Variants in PDE3B observed in about 807,000 individuals in gnomAD.
PDE3B encodes cGMP-inhibited 3',5'-cyclic phosphodiesterase 3B.
Under a neutral mutation model 116.8 loss-of-function variants are expected in PDE3B, and 66 were observed. That is an observed-to-expected ratio of 0.56 (90% CI 0.46 to 0.69). The LOEUF is 0.69. Ranked by LOEUF, PDE3B falls within the 30% of genes least tolerant of loss-of-function variation. PDE3B has a pLI of 0.00. For synonymous variants in PDE3B, 595 were observed against 533.6 expected, an observed-to-expected ratio of 1.12 and a Z score of -1.59; for missense variants, 1,384 against 1,368.1, an observed-to-expected ratio of 1.01 and a Z score of -0.18.
chr11:14,845,829 T>C (rs1222935443), intron 12 of PDE3B, among the ~76,000 whole-genome samples: 1 of 152,070 alleles, frequency 6.6e-6, no homozygotes, highest in African/African-American at 2.4e-5. Flanking sequence ...CCAAGAAATA[T>C]GGGACTATGT....
chr11:14,833,230 G>T (rs1020774892), intron 10 of PDE3B, among the ~76,000 whole-genome samples: 2 of 152,176 alleles, frequency 1.3e-5, no homozygotes, highest in African/African-American at 2.4e-5. Context: ...TGCGATTATA[G>T]ACGTCAGCTG....
intron 1 of PDE3B, among the ~76,000 whole-genome samples, chr11:14,681,358 G>A (rs1395835100): frequency 6.6e-6 from 1 of 152,110 alleles, no homozygotes; most frequent in African/African-American, 2.4e-5. Context: ...CTTCCAGTGG[G>A]AAGTAATTGA....
At chr11:14,841,057 T>A (rs1255801465) in intron 11 of PDE3B, among the ~76,000 whole-genome samples, 1 of 152,102 alleles carries the variant, frequency 6.6e-6, no homozygotes, top group African/African-American at 2.4e-5. Flanking sequence ...ATTTTTTGGA[T>A]GAGATTAACA....
rs866628937 is a variant in PDE3B at position 14,644,454 on chromosome 11, T to G, written c.379T>G (p.Cys127Gly). 6.2e-7 allele frequency: 1 copy of G among 1,613,090 alleles called. No homozygotes were observed. ...HSLSPLFSIA[C>G]AFFFLTCFLT... ...CTTGAGCCCCCTCTTCAGCATCGCCTGTGCCTTCTTCTTCCTCACCTGCTT... is the reference window on the plus strand; with the variant it reads ...CTTGAGCCCCCTCTTCAGCATCGCCGGTGCCTTCTTCTTCCTCACCTGCTT... Residue 127 changes from cysteine to glycine, a missense_variant, in exon 1 of 16, where the codon TGT (cysteine) becomes GGT (glycine). This residue lies in a region of PDE3B where 956 missense variants were observed against 806.8 expected (regional missense o/e 1.18). Transcript: ENST00000282096.
At chr11:14,810,135 TAAA>T (rs1859077493) in intron 5 of PDE3B, among the ~76,000 whole-genome samples, 1 of 151,936 alleles carries the variant, frequency 6.6e-6, no homozygotes, top group Admixed American at 6.6e-5. Context: ...TTTCTAATAA[TAAA>T]ACCATTAAAA....
At chr11:14,853,429 A>G (rs731042) in intron 12 of PDE3B, among the ~76,000 whole-genome samples, 1 of 151,948 alleles carries the variant, frequency 6.6e-6, no homozygotes, top group African/African-American at 2.4e-5. Flanking sequence ...TTTGCTCTGT[A>G]GTACTCCTAG....
chr11:14,815,856 G>A, intron 5 of PDE3B, among the ~76,000 whole-genome samples: 1 of 151,792 alleles, frequency 6.6e-6, no homozygotes, highest in East Asian at 1.9e-4. Flanking sequence ...AACCTTATTA[G>A]TAATGAGGAA....
At chr11:14,825,509 G>C (rs1293618324) in intron 7 of PDE3B, among the ~76,000 whole-genome samples, 1 of 152,102 alleles carries the variant, frequency 6.6e-6, no homozygotes, top group African/African-American at 2.4e-5. Context: ...AGACAAAACA[G>C]ACTTTAAACC....
intron 4 of PDE3B, among the ~76,000 whole-genome samples, chr11:14,790,431 A>G (rs1284128177): frequency 1.3e-5 from 2 of 151,496 alleles, no homozygotes; most frequent in Non-Finnish European, 2.9e-5. Flanking sequence ...CATTATCTTG[A>G]GAATATAGTT....
rs185899862 is a variant in PDE3B at position 14,835,147 on chromosome 11, A to G, written c.2320+52A>G. 3.2e-4 allele frequency: 372 copies of G among 1,153,026 alleles called. No individual in the cohort carries two copies. In the African/African-American group the frequency reaches 4.9e-3, roughly 15 times the overall value. The allele number at this position is 1,153,026 out of a possible 1,614,324, so 71.4% of individuals were successfully genotyped here. A position where few individuals can be genotyped will look rare whatever the true frequency, so the allele number is the denominator to read the frequency against. On this transcript the variant is annotated intron_variant, in intron 11 of 15. Coordinates refer to ENST00000282096, the MANE Select transcript of PDE3B (RefSeq NM_000922.4). ...TATTTTGATCAGGAATAGTAAATCA[A>G]GCTTTCTCATTTCATTACCTCTGTT... is the stretch of plus-strand genomic sequence containing the variant.
chr11:14,883,665 A>G, the PDE3B span, among the ~76,000 whole-genome samples: 22 of 152,244 alleles, frequency 1.4e-4, no homozygotes, highest in African/African-American at 4.8e-4. Context: ...AATGGCAACA[A>G]AAGACAAAAT....
In PDE3B at chr11:14,774,512, T is replaced by C. The variant is rs374609150; in HGVS notation, c.1029+2525T>C. ...AGTATTTTAGCATTTGCTGGAAACA[T>C]ATGACCATTGCTACCTTTTGCCGTC... On this transcript the variant is annotated intron_variant, in intron 2 of 15. Transcript: ENST00000282096. The C allele has an allele frequency of 3.3e-5, 5 of 152,344 alleles. No individual in the cohort carries two copies. In the East Asian group the frequency reaches 9.6e-4, roughly 29 times the overall value. The allele number at this position is 152,344 out of a possible 1,614,324, so 9.4% of individuals were successfully genotyped here. A position where few individuals can be genotyped will look rare whatever the true frequency, so the allele number is the denominator to read the frequency against.
At chr11:14,663,881 C>T (rs1370633678) in intron 1 of PDE3B, among the ~76,000 whole-genome samples, 20 of 152,126 alleles carry the variant, frequency 1.3e-4, no homozygotes, top group Non-Finnish European at 2.5e-4. Flanking sequence ...AACAAGGATA[C>T]CCAGGAATTG....
chr11:14,798,141 G>A (rs1163349394), intron 4 of PDE3B, among the ~76,000 whole-genome samples: 1 of 152,188 alleles, frequency 6.6e-6, no homozygotes, highest in African/African-American at 2.4e-5. Flanking sequence ...TTAGCATGAA[G>A]GGGTGTTGAA....
intron 1 of PDE3B, among the ~76,000 whole-genome samples, chr11:14,770,365 A>T (rs2133896619): frequency 6.6e-6 from 1 of 151,690 alleles, no homozygotes; most frequent in Admixed American, 6.6e-5. Flanking sequence ...AAATAAGGGC[A>T]GAAGTAAAGT....
intron 5 of PDE3B, among the ~76,000 whole-genome samples, chr11:14,816,926 C>G (rs1859349970): frequency 6.6e-6 from 1 of 152,154 alleles, no homozygotes; most frequent in East Asian, 1.9e-4. Context: ...ACCCAGCCAT[C>G]CCATTACTGG....
At chr11:14,725,309 C>CTTTCTTTCTCTTTCTT (rs1393019002) in intron 1 of PDE3B, among the ~76,000 whole-genome samples, 20 of 147,418 alleles carry the variant, frequency 1.4e-4, no homozygotes, top group African/African-American at 4.6e-4. Context: ...TTCTTTCTTT[C>CTTTCTTTCTCTTTCTT]TCTTTCTTTC....
At chr11:14,712,190 GTCC>G (rs1398871097) in intron 1 of PDE3B, among the ~76,000 whole-genome samples, 1 of 151,968 alleles carries the variant, frequency 6.6e-6, no homozygotes, top group Admixed American at 6.6e-5. Flanking sequence ...GGCTCAAGCT[GTCC>G]TCCTGCCTCA....
At chr11:14,794,762 A>G (rs1277014778) in intron 4 of PDE3B, among the ~76,000 whole-genome samples, 1 of 152,194 alleles carries the variant, frequency 6.6e-6, no homozygotes, top group African/African-American at 2.4e-5. Flanking sequence ...CCAGCTGTAA[A>G]TCAGGGTTCC....
Sources: allele counts gnomAD v4.1 joint callset (sites outside exome capture counted in the v4.1 genomes callset), GRCh38; gene constraint gnomAD v4.1.1; regional missense constraint gnomAD v4.1.1; transcripts MANE v1.5; gene names NCBI Gene and HGNC (gene_info 2026-07-23, HGNC 2026-07-21).